Variants in GPC5 observed in about 807,000 individuals in gnomAD.
The protein encoded by GPC5 is glypican 5, also known as glypican-5.
In GPC5, 47 loss-of-function variants were observed where a neutral mutation model predicts 53.9. The ratio of observed to expected loss-of-function variants is 0.87; its 90% CI spans 0.69 to 1.11. The LOEUF (loss-of-function observed/expected upper bound fraction) is 1.11. Ranked by LOEUF, GPC5 falls within the 50% of genes most tolerant of loss-of-function variation. The pLI is 0.00. For synonymous variants in GPC5, 286 were observed against 263.3 expected, an observed-to-expected ratio of 1.09 and a Z score of -0.84; for missense variants, 748 against 713.1, an observed-to-expected ratio of 1.05 and a Z score of -0.56.
chr13:92,164,075 A>G lies in GPC5; in HGVS notation c.1561+19086A>G, dbSNP rs1233376656. Among the ~76,000 whole-genome samples, 3 of 152,122 alleles carry G rather than the reference A, an allele frequency of 2.0e-5. No individual in the cohort carries two copies. In the East Asian group the frequency reaches 5.8e-4, roughly 29 times the overall value. On this transcript the variant is annotated intron_variant, in intron 7 of 7. Transcript: ENST00000377067. ...GCACCCATGATTCAGTTACCTCCCA[A>G]GAGGTCCTTTCCCCAACATGTGGGG...
intron 7 of GPC5, among the ~76,000 whole-genome samples, chr13:92,223,744 C>T (rs2042465310): frequency 6.6e-6 from 1 of 151,798 alleles, no homozygotes; most frequent in African/African-American, 2.4e-5. Flanking sequence ...CAAAAGCTGG[C>T]TTTGATAATA....
At chr13:92,522,162 T>A (rs543018040) in intron 7 of GPC5, among the ~76,000 whole-genome samples, 14 of 152,186 alleles carry the variant, frequency 9.2e-5, no homozygotes, top group Non-Finnish European at 1.6e-4. Context: ...ACTTTTATAC[T>A]GTTGGTGGGA....
rs1223120166 is a variant in GPC5, at chr13:91,756,445, C to A, written c.1280+25C>A. The stretch of plus-strand genomic sequence containing the variant: ...GGTATTTTATGTGGTCTGTGAAAAC[C>A]TACTAGTTACATCATCCTTGCTTTC... On this transcript the variant is annotated intron_variant, in intron 5 of 7. Transcript: ENST00000377067. 6 of 1,537,346 alleles carry A rather than the reference C, an allele frequency of 3.9e-6. No homozygotes were observed. In the East Asian group the frequency reaches 1.1e-4, roughly 29 times the overall value.
Position 91,756,298 on chromosome 13 carries a change from AT to A in GPC5, c.1161del (p.Phe387LeufsTer15). ...TTTTCTTTCTTCTTTCATTTAGAGAATTTATCAACAGCCTTCGACTGTACAG... is the reference window on the plus strand; with the variant it reads ...TTTTCTTTCTTCTTTCATTTAGAGAATTATCAACAGCCTTCGACTGTACAG... ...EETLANRRKE[F>X]INSLRLYRSF... is the part of the protein sequence containing the mutation. On this transcript the variant is annotated frameshift_variant, in exon 5 of 8. Coordinates refer to ENST00000377067, the MANE Select transcript of GPC5 (RefSeq NM_004466.6). LOFTEE classifies it high-confidence loss of function. 1 of 1,486,176 alleles carries A rather than the reference AT, an allele frequency of 6.7e-7. No homozygotes were observed. The highest frequency in any genetic ancestry group is 2.0e-5 in the Admixed American group (1 of 49,520). 92.1% of individuals were successfully genotyped at this position (1,486,176 alleles called of 1,614,324 possible). A position where few individuals can be genotyped will look rare whatever the true frequency, so the allele number is the denominator to read the frequency against.
intron 2 of GPC5, among the ~76,000 whole-genome samples, chr13:91,601,597 G>T (rs1253355524): frequency 6.6e-6 from 1 of 152,014 alleles, no homozygotes; most frequent in Non-Finnish European, 1.5e-5. Context: ...ATTAGTGGTG[G>T]TATTTGATTC....
At chr13:92,833,432 T>A (rs1386915569) in intron 7 of GPC5, among the ~76,000 whole-genome samples, 1 of 152,184 alleles carries the variant, frequency 6.6e-6, no homozygotes, top group African/African-American at 2.4e-5. Context: ...TCTGTTTAAC[T>A]GTGGAATAGA....
chr13:91,496,022 CAAAAAAAATAAAAAAT>C (rs1226380759), intron 2 of GPC5, among the ~76,000 whole-genome samples: 1 of 147,834 alleles, frequency 6.8e-6, no homozygotes, highest in Non-Finnish European at 1.5e-5. Flanking sequence ...GACTCTGTCT[CAAAAAAAATAAAAAAT>C]AAAAAATAAA....
chr13:91,745,010 T>C (rs1240723099), intron 4 of GPC5, among the ~76,000 whole-genome samples: 1 of 152,138 alleles, frequency 6.6e-6, no homozygotes, highest in East Asian at 1.9e-4. Context: ...TTGTGATAGA[T>C]GACCAATTTC....
At chr13:92,208,310 T>G (rs906742965) in intron 7 of GPC5, among the ~76,000 whole-genome samples, 39 of 152,364 alleles carry the variant, frequency 2.6e-4, no homozygotes, top group Admixed American at 1.2e-3. Context: ...ATCCATTTAC[T>G]AGGCTGGTTT....
intron 5 of GPC5, among the ~76,000 whole-genome samples, chr13:91,855,312 A>G (rs778260977): frequency 1.6e-4 from 25 of 151,710 alleles, no homozygotes; most frequent in Non-Finnish European, 3.3e-4. Flanking sequence ...GAATAGTCAT[A>G]TCTAAGCAAC....
chr13:91,705,259 G>T (rs190970546), intron 3 of GPC5, among the ~76,000 whole-genome samples: 3 of 152,308 alleles, frequency 2.0e-5, no homozygotes, highest in East Asian at 1.9e-4. Context: ...AATCAGAAAG[G>T]CTGGCTGCTA....
chr13:91,817,092 A>G (rs1244872966), intron 5 of GPC5, among the ~76,000 whole-genome samples: 1 of 152,150 alleles, frequency 6.6e-6, no homozygotes, highest in Non-Finnish European at 1.5e-5. Flanking sequence ...TTTTAGCTTC[A>G]TTTTAGGCAC....
At chr13:92,050,381 C>T (rs1289472222) in intron 6 of GPC5, among the ~76,000 whole-genome samples, 1 of 152,068 alleles carries the variant, frequency 6.6e-6, no homozygotes, top group Non-Finnish European at 1.5e-5. Context: ...CCTTACCTAT[C>T]AAAGGGTGGC....
At chr13:91,766,847 G>C (rs1239524450) in intron 5 of GPC5, among the ~76,000 whole-genome samples, 3 of 152,150 alleles carry the variant, frequency 2.0e-5, no homozygotes, top group Non-Finnish European at 4.4e-5. Flanking sequence ...GTGACAGAGA[G>C]AGACTTTATC....
rs190847051 is a variant in GPC5, at chr13:91,896,052, A to G, written c.1281-11885A>G. On this transcript the variant is annotated intron_variant, in intron 5 of 7. Coordinates refer to ENST00000377067, the MANE Select transcript of GPC5 (RefSeq NM_004466.6). The stretch of plus-strand genomic sequence containing the variant: ...CTCTGCCTCAGCCTTACAGGAACAC[A>G]TGTGATTGTATTTAGGGCCTGCCCA... Among the ~76,000 whole-genome samples the G allele has an allele frequency of 9.2e-5, 14 of 151,640 alleles. No homozygotes were observed. In the East Asian group the frequency reaches 2.7e-3, roughly 30 times the overall value.
chr13:91,506,197 C>T (rs1884934026), intron 2 of GPC5, among the ~76,000 whole-genome samples: 1 of 151,952 alleles, frequency 6.6e-6, no homozygotes, highest in Admixed American at 6.6e-5. Context: ...ATTCTATTTG[C>T]TCTTAGGAGT....
intron 6 of GPC5, among the ~76,000 whole-genome samples, chr13:91,955,098 G>A (rs974048926): frequency 2.6e-5 from 4 of 152,102 alleles, no homozygotes; most frequent in Non-Finnish European, 5.9e-5. Context: ...ATAAATGCAG[G>A]AATAGATCAT....
At chr13:92,311,033 G>T (rs1328486563) in intron 7 of GPC5, among the ~76,000 whole-genome samples, 2 of 151,994 alleles carry the variant, frequency 1.3e-5, no homozygotes, top group East Asian at 1.9e-4. Flanking sequence ...GTCTGAAATT[G>T]AAAATAGAGA....
intron 7 of GPC5, among the ~76,000 whole-genome samples, chr13:92,790,409 A>G (rs1248120326): frequency 6.6e-6 from 1 of 152,164 alleles, no homozygotes; most frequent in Non-Finnish European, 1.5e-5. Flanking sequence ...CAACTATGGT[A>G]TTGCATTTAG....
Sources: allele counts gnomAD v4.1 joint callset (sites outside exome capture counted in the v4.1 genomes callset), GRCh38; gene constraint gnomAD v4.1.1; transcripts MANE v1.5; gene names NCBI Gene and HGNC (gene_info 2026-07-23, HGNC 2026-07-21).